The following SCN1A variants were observed in gnomAD, a reference collection of about 807,000 sequenced individuals.
SCN1A encodes sodium channel protein type 1 subunit alpha.
Under a neutral mutation model 193.7 loss-of-function variants are expected in SCN1A, and 13 were observed. The observed-to-expected ratio is 0.07, with a 90% CI of 0.04 to 0.11. The LOEUF (loss-of-function observed/expected upper bound fraction) is 0.11. SCN1A is among the 10% of genes least tolerant of loss of function. The probability of loss-of-function intolerance (pLI) is 1.00; values close to 1 mark genes in which losing one functional copy is unlikely to be tolerated. For synonymous variants in SCN1A, 781 were observed against 843.6 expected (o/e 0.93, Z 1.29); for missense variants, 1,432 against 2,451.1 (o/e 0.58, Z 8.78).
intron 19 of SCN1A, among the ~76,000 whole-genome samples, chr2:166,024,209 G>A (rs998259678): frequency 6.6e-6 from 1 of 152,036 alleles, no homozygotes; most frequent in Non-Finnish European, 1.5e-5. Flanking sequence ...GTGGATGACC[G>A]AGTGAGGCCC....
At chr2:166,106,456 G>A (rs1688704428) in intron 2 of SCN1A, among the ~76,000 whole-genome samples, 1 of 152,052 alleles carries the variant, frequency 6.6e-6, no homozygotes, top group Non-Finnish European at 1.5e-5. Flanking sequence ...TTGCTGGGGT[G>A]TCCTGGCCGG....
chr2:165,993,564 C>T (rs898198460), intron 28 of SCN1A: 8 of 154,788 alleles, frequency 5.2e-5, no homozygotes, highest in African/African-American at 1.9e-4. Context: ...CTGATGATGT[C>T]CCATGCCACC....
intron 8 of SCN1A, 84 bp downstream of exon 8, chr2:166,052,768 G>T: frequency 8.7e-7 from 1 of 1,146,060 alleles, no homozygotes; most frequent in Non-Finnish European, 1.3e-6. Context: ...TATGATTCCT[G>T]ATTTTCTGTA....
chr2:166,125,605 T>C (rs1322294696), intron 2 of SCN1A, among the ~76,000 whole-genome samples: 2 of 152,188 alleles, frequency 1.3e-5, no homozygotes, highest in East Asian at 1.9e-4. Context: ...GTACCCTCTA[T>C]ACAAGGAACT....
chr2:166,134,492 T>A (rs1484423182), intron 1 of SCN1A, among the ~76,000 whole-genome samples: 1 of 152,164 alleles, frequency 6.6e-6, no homozygotes, highest in African/African-American at 2.4e-5. Flanking sequence ...TAACCAACAT[T>A]GGTTTTAGCA....
chr2:165,985,500 T>C (rs1355256355), downstream of SCN1A: 2 of 151,784 alleles, frequency 1.3e-5, no homozygotes, highest in Admixed American at 1.3e-4. Flanking sequence ...GGAAAGAAAT[T>C]GAGGAAGTTT....
chr2:166,008,251 T>C (rs1232023782), intron 23 of SCN1A, among the ~76,000 whole-genome samples: 1 of 151,246 alleles, frequency 6.6e-6, no homozygotes, highest in African/African-American at 2.4e-5. Context: ...TGAAGTGTAA[T>C]GTATGGAAAT....
At chr2:166,100,654 A>C (rs1157593035) in intron 2 of SCN1A, among the ~76,000 whole-genome samples, 1 of 148,544 alleles carries the variant, frequency 6.7e-6, no homozygotes, top group East Asian at 2.0e-4. Flanking sequence ...ATGAACTCAA[A>C]CAAATTTACA....
chr2:166,056,330 G>T lies in SCN1A; in HGVS notation c.473+81C>A, dbSNP rs1049734775. ...AATGACTTTAATAAAATGCTCTTCA[G>T]TTTTATTTTAAGACTACATTAAGAC... On this transcript the variant is annotated intron_variant, in intron 6 of 28. Transcript: ENST00000674923. 1.5e-5 allele frequency: 14 copies of T among 927,642 alleles called. No homozygotes were observed. In the African/African-American group the frequency reaches 2.0e-4, roughly 13 times the overall value. 57.5% of individuals were successfully genotyped at this position (927,642 alleles called of 1,614,324 possible).
At chr2:166,028,081 AC>A (rs1373463035) in intron 19 of SCN1A, among the ~76,000 whole-genome samples, 1 of 152,188 alleles carries the variant, frequency 6.6e-6, no homozygotes, top group African/African-American at 2.4e-5. Context: ...TTAGTCAAAC[AC>A]TTGCCCAGTA....
intron 1 of SCN1A, among the ~76,000 whole-genome samples, chr2:166,136,207 G>C (rs141795300): frequency 6.6e-6 from 1 of 152,042 alleles, no homozygotes; most frequent in Non-Finnish European, 1.5e-5. Flanking sequence ...GGAAGAGCAG[G>C]CTAAATAAAG....
chr2:166,127,193 G>A (rs147969830), intron 1 of SCN1A, 183 bp from the exon 2 acceptor site: 10 of 152,262 alleles, frequency 6.6e-5, no homozygotes, highest in Middle Eastern at 3.4e-3. Context: ...TGGCAGAGGT[G>A]GGGGGCGGAA....
chr2:166,125,023 A>G (rs1691075825), intron 2 of SCN1A, among the ~76,000 whole-genome samples: 2 of 152,224 alleles, frequency 1.3e-5, no homozygotes, highest in South Asian at 4.1e-4. Context: ...TGGAAAAGCA[A>G]ACTTTGGGGC....
upstream of SCN1A, among the ~76,000 whole-genome samples, chr2:166,131,152 A>T (rs1558909351): frequency 6.6e-6 from 1 of 152,162 alleles, no homozygotes. Flanking sequence ...TGAAAAACTA[A>T]TCTTCCTCTG....
chr2:166,067,789 C>T (rs1684007106), intron 4 of SCN1A, among the ~76,000 whole-genome samples: 1 of 146,820 alleles, frequency 6.8e-6, no homozygotes, highest in African/African-American at 2.5e-5. Context: ...CCACTGTCTT[C>T]CCATGTGGCT....
chr2:166,054,852 G>T, intron 6 of SCN1A, 86 bp from the exon 7 acceptor site: 1 of 1,226,044 alleles, frequency 8.2e-7, no homozygotes, highest in Non-Finnish European at 1.2e-6. Flanking sequence ...CAGTGGAATA[G>T]ATAAATACTA....
At chr2:166,078,358 A>T (rs1370883892) in intron 2 of SCN1A, among the ~76,000 whole-genome samples, 2 of 151,564 alleles carry the variant, frequency 1.3e-5, no homozygotes, top group African/African-American at 4.8e-5. Flanking sequence ...TTTAGGGAAA[A>T]AATTAATTTT....
intron 5 of SCN1A, 82 bp downstream of exon 5, chr2:166,058,488 C>T: frequency 1.2e-6 from 1 of 802,500 alleles, no homozygotes; most frequent in Non-Finnish European, 2.1e-6. Context: ...ATGGACATTT[C>T]CCAACTTAAT....
intron 4 of SCN1A, among the ~76,000 whole-genome samples, chr2:166,072,261 G>A (rs1174275428): frequency 3.3e-5 from 5 of 152,036 alleles, no homozygotes; most frequent in Non-Finnish European, 7.4e-5. Flanking sequence ...AAAATGTTAC[G>A]AATCACCTAA....
Sources: allele counts gnomAD v4.1 joint callset (sites outside exome capture counted in the v4.1 genomes callset), GRCh38; gene constraint gnomAD v4.1.1; transcripts MANE v1.5; gene names NCBI Gene and HGNC (gene_info 2026-07-23, HGNC 2026-07-21).